Variants in CENPK observed in about 807,000 individuals in gnomAD.
The protein encoded by CENPK is centromere protein K, also known as SoxLZ/Sox6-binding protein Solt.
CENPK carries 46 observed loss-of-function variants against 40.9 expected under a neutral mutation model. The ratio of observed to expected loss-of-function variants is 1.13; its 90% CI spans 0.89 to 1.44. The LOEUF (loss-of-function observed/expected upper bound fraction) is 1.44. CENPK is among the 40% of genes most tolerant of loss of function. The pLI is 0.00. For synonymous variants in CENPK, 107 were observed against 104.4 expected (o/e 1.02, Z -0.15); for missense variants, 288 against 303.5 (o/e 0.95, Z 0.38).
downstream of CENPK, chr5:65,517,739 A>G (rs1186870679): frequency 6.6e-6 from 1 of 152,162 alleles, no homozygotes; most frequent in African/African-American, 2.4e-5. Context: ...TTTGCTACTT[A>G]TAAAAATATC....
At position 65,528,427 on chromosome 5, in the gene CENPK, C is replaced by T. The variant is rs906225786; in HGVS notation, c.597+25G>A. ...AAATAATTTCAAATATGATAATTTA[C>T]ATAAATGTCTTCTCTAAAACTTACC... is the stretch of plus-strand genomic sequence containing the variant. On this transcript the variant is annotated intron_variant, in intron 9 of 10. Transcript: ENST00000396679. The T allele has an allele frequency of 3.8e-6, 6 of 1,564,918 alleles. No homozygotes were observed. The African/African-American group carries it at 8.3e-5, about 22-fold the overall frequency.
intron 5 of CENPK, chr5:65,550,824 A>G (rs1341924228): frequency 3.3e-5 from 5 of 152,922 alleles, no homozygotes; most frequent in Non-Finnish European, 7.3e-5. Context: ...GCTGTCTTCT[A>G]CTTCCTAACT....
intron 5 of CENPK, among the ~76,000 whole-genome samples, chr5:65,548,236 A>G (rs1749360469): frequency 1.3e-5 from 2 of 152,236 alleles, no homozygotes; most frequent in Non-Finnish European, 2.9e-5. Flanking sequence ...AGTGCATATA[A>G]AAGTTGTTTA....
chr5:65,510,901 C>T, the CENPK span, among the ~76,000 whole-genome samples: 11,272 of 152,074 alleles, frequency 0.074, 427 homozygotes, highest in East Asian at 0.096. Flanking sequence ...CCTCTCAGAC[C>T]CTTCACCATG....
intron 5 of CENPK, 83 bp from the exon 6 acceptor site, chr5:65,542,931 G>C (rs6891955): frequency 0.39 from 460,028 of 1,192,986 alleles, 90,697 homozygotes; most frequent in East Asian, 0.65. Flanking sequence ...GGTTTTCTAA[G>C]ATACTTCTTT....
At chr5:65,549,688 C>T (rs188594138) in intron 5 of CENPK, among the ~76,000 whole-genome samples, 1 of 152,294 alleles carries the variant, frequency 6.6e-6, no homozygotes, top group East Asian at 1.9e-4. Flanking sequence ...CCAACCTCTG[C>T]TAGCTTCACA....
chr5:65,514,719 A>G (rs554122819), downstream of CENPK, among the ~76,000 whole-genome samples: 1 of 152,236 alleles, frequency 6.6e-6, no homozygotes, highest in Non-Finnish European at 1.5e-5. Context: ...TTGGAAGCTC[A>G]TAATTGATTC....
intron 5 of CENPK, among the ~76,000 whole-genome samples, chr5:65,547,238 C>T (rs1469450030): frequency 1.3e-5 from 2 of 151,826 alleles, no homozygotes; most frequent in Admixed American, 1.3e-4. Flanking sequence ...ACTACAAATA[C>T]AAAAATTAGC....
chr5:65,543,787 G>A (rs890758440), intron 5 of CENPK, among the ~76,000 whole-genome samples: 1 of 152,116 alleles, frequency 6.6e-6, no homozygotes, highest in Non-Finnish European at 1.5e-5. Context: ...CAGATTCTCA[G>A]AAATGAAATT....
chr5:65,514,228 A>ATATTTTT (rs199873665), downstream of CENPK, among the ~76,000 whole-genome samples: 2 of 61,648 alleles, frequency 3.2e-5, no homozygotes, highest in African/African-American at 6.7e-5. Flanking sequence ...GCCTCACATA[A>ATATTTTT]TCTTTTTTTT....
At chr5:65,515,144 T>C (rs1009136083), downstream of CENPK, among the ~76,000 whole-genome samples, 2 of 151,670 alleles carry the variant, frequency 1.3e-5, no homozygotes, top group Non-Finnish European at 2.9e-5. Context: ...CATTTTCCAA[T>C]ATATGCACTC....
chr5:65,538,022 A>G (rs1475677842), intron 6 of CENPK, among the ~76,000 whole-genome samples: 5 of 152,122 alleles, frequency 3.3e-5, no homozygotes, highest in Non-Finnish European at 1.5e-5. Context: ...ACCATTTTAC[A>G]TTGCCACTAG....
chr5:65,504,997 A>C, the CENPK span, among the ~76,000 whole-genome samples: 3 of 152,190 alleles, frequency 2.0e-5, no homozygotes, highest in Non-Finnish European at 4.4e-5. Context: ...AATATAGTGA[A>C]TAGTTAGCTG....
intron 5 of CENPK, among the ~76,000 whole-genome samples, chr5:65,549,985 G>C (rs192486884): frequency 2.0e-5 from 3 of 152,054 alleles, no homozygotes; most frequent in Admixed American, 1.3e-4. Flanking sequence ...TGGCCAACAT[G>C]GTGAAACCTG....
At chr5:65,504,475 A>AAC in the CENPK span, among the ~76,000 whole-genome samples, 7 of 151,478 alleles carry the variant, frequency 4.6e-5, no homozygotes, top group African/African-American at 1.5e-4. Flanking sequence ...AAAAAAAAAA[A>AAC]AACCCACGAG....
Position 65,519,455 on chromosome 5 carries a change from G to A in CENPK, c.652-822C>T, listed in dbSNP as rs185994782. ...TATTTTGCCTCCTCAGCTATCTTCC[G>A]GTGCCTTCACAAATTACAAAAGTAG... On this transcript the variant is annotated intron_variant, in intron 10 of 10. Transcript: ENST00000396679. 4.6e-5 allele frequency among the ~76,000 whole-genome samples: 7 copies of A among 152,196 alleles called. 2 individuals are homozygous for A. The highest frequency in any genetic ancestry group is 1.9e-4 in the East Asian group (1 of 5,184).
chr5:65,532,685 A>G (rs10461505), intron 6 of CENPK, among the ~76,000 whole-genome samples: 61,395 of 151,162 alleles, frequency 0.41, 12,818 homozygotes, highest in East Asian at 0.65. Flanking sequence ...TGAGGCGGGC[A>G]GATCACCTGA....
intron 9 of CENPK, among the ~76,000 whole-genome samples, chr5:65,523,386 C>T (rs1247531309): frequency 6.6e-6 from 1 of 152,170 alleles, no homozygotes; most frequent in Non-Finnish European, 1.5e-5. Context: ...ACTACGGTGA[C>T]AACTATTACT....
At chr5:65,514,507 C>G (rs144678539), downstream of CENPK, among the ~76,000 whole-genome samples, 288 of 152,164 alleles carry the variant, frequency 1.9e-3, 3 homozygotes, top group African/African-American at 6.8e-3. Context: ...CCTCGTGATC[C>G]GCCCACCTCA....
Sources: gnomAD v4.1 joint callset for allele counts (sites outside exome capture counted in the v4.1 genomes callset) on GRCh38, gnomAD v4.1.1 for gene constraint, MANE v1.5 for transcripts, NCBI Gene and HGNC (gene_info 2026-07-23, HGNC 2026-07-21) for gene names.